VWA5B1: variants seen among roughly 807,000 people sequenced by gnomAD.
The protein encoded by VWA5B1 is von Willebrand factor A domain-containing protein 5B1.
Under a neutral mutation model 118.2 loss-of-function variants are expected in VWA5B1, and 115 were observed. The observed-to-expected ratio is 0.97, with a 90% confidence interval of 0.84 to 1.14. VWA5B1 has a LOEUF of 1.14. Ranked by LOEUF, VWA5B1 falls within the 50% of genes most tolerant of loss-of-function variation. The pLI, the probability that VWA5B1 is intolerant of heterozygous loss-of-function variation, is 0.00. For synonymous variants in VWA5B1, 682 were observed against 658.4 expected (o/e 1.04, Z -0.55); for missense variants, 1,596 against 1,603.8 (o/e 1.00, Z 0.08).
chr1:20,310,881 T>C (rs10916761), intron 2 of VWA5B1, 141 bp downstream of exon 2: 843,505 of 1,232,582 alleles, frequency 0.68, 293,104 homozygotes, highest in East Asian at 0.95. Context: ...AATGGTGAGA[T>C]TCTTTCTGCT....
At chr1:20,297,500 G>A (rs184808557) in intron 1 of VWA5B1, among the ~76,000 whole-genome samples, 5 of 152,344 alleles carry the variant, frequency 3.3e-5, no homozygotes, top group African/African-American at 7.2e-5. Context: ...AGCTTACCAC[G>A]CACCCAGAGG....
At chr1:20,344,299 G>A (rs731047) in intron 16 of VWA5B1, among the ~76,000 whole-genome samples, 21,282 of 151,900 alleles carry the variant, frequency 0.14, 1,944 homozygotes, top group East Asian at 0.52. Flanking sequence ...CAGAACAATG[G>A]TGACAGCCCA....
Position 20,308,053 on chromosome 1 carries a change from G to A in VWA5B1, c.-26-2523G>A, listed in dbSNP as rs995907169. On this transcript the variant is annotated intron_variant, in intron 1 of 21. Coordinates refer to ENST00000289815, the MANE Select transcript of VWA5B1 (RefSeq NM_001039500.3). Reference sequence around the variant, plus strand: ...CCTTCCCTCCCCGACCAGTAGTCCCGAGTGTCTATTATTGCCATCTTTATG... The same window carrying A: ...CCTTCCCTCCCCGACCAGTAGTCCCAAGTGTCTATTATTGCCATCTTTATG... Among the ~76,000 whole-genome samples, 60 of 152,102 alleles carry A rather than the reference G, an allele frequency of 3.9e-4. 1 individual carries two copies. The highest frequency in any genetic ancestry group is 1.4e-3 in the African/African-American group (57 of 41,466).
Position 20,354,344 on chromosome 1 carries a change from G to A in VWA5B1, c.*81G>A. The A allele has an allele frequency of 6.9e-7, 1 of 1,441,238 alleles. No individual in the cohort carries two copies. Among genetic ancestry groups the A allele is most frequent in the Admixed American group, 2.4e-5 (1 of 40,916 alleles). 89.3% of individuals were successfully genotyped at this position (1,441,238 alleles called of 1,614,324 possible). The stretch of plus-strand genomic sequence containing the variant: ...GGCCATGTCGGCCTGGTTTCGGGGA[G>A]CTTTTGGAGCTGTAACTAATATTTC... On this transcript the variant is annotated 3_prime_UTR_variant, in exon 22 of 22. Transcript: ENST00000289815.
intron 14 of VWA5B1, 99 bp from the exon 15 acceptor site, chr1:20,342,333 G>T: frequency 7.6e-7 from 1 of 1,322,260 alleles, no homozygotes; most frequent in Non-Finnish European, 1.0e-6. Flanking sequence ...GGAGCAGAAG[G>T]AAGGAGGGTC....
At chr1:20,352,278 C>T in intron 21 of VWA5B1, 106 bp downstream of exon 21, 1 of 893,910 alleles carries the variant, frequency 1.1e-6, no homozygotes. Context: ...GAGAAGAAGG[C>T]TTTGGTCTTA....
At chr1:20,353,734 T>G (rs948213584) in intron 21 of VWA5B1, 23 bp from the exon 22 acceptor site, 35 of 1,449,394 alleles carry the variant, frequency 2.4e-5, no homozygotes, top group Non-Finnish European at 3.2e-5. Context: ...TGAGGCCCAC[T>G]GAAGGGCTTC....
intron 8 of VWA5B1, among the ~76,000 whole-genome samples, chr1:20,326,361 A>T (rs1187032532): frequency 6.6e-6 from 1 of 152,054 alleles, no homozygotes; most frequent in Non-Finnish European, 1.5e-5. Flanking sequence ...GGGTACTATC[A>T]ATAAACAAGA....
At chr1:20,332,672 T>C in intron 11 of VWA5B1, 94 bp from the exon 12 acceptor site, 1 of 1,384,616 alleles carries the variant, frequency 7.2e-7, no homozygotes, top group South Asian at 1.4e-5. Context: ...CCCTCTTCCC[T>C]GCTCCCACTC....
At chr1:20,316,786 T>C (rs944717773) in intron 4 of VWA5B1, among the ~76,000 whole-genome samples, 1 of 152,174 alleles carries the variant, frequency 6.6e-6, no homozygotes, top group Admixed American at 6.5e-5. Context: ...TCGCAGGGCT[T>C]GCAGCTTACA....
intron 9 of VWA5B1, among the ~76,000 whole-genome samples, chr1:20,329,574 T>A (rs2089486852): frequency 6.6e-6 from 1 of 152,088 alleles, no homozygotes; most frequent in African/African-American, 2.4e-5. Context: ...TTCCCAAACA[T>A]GCTGTTACTT....
intron 1 of VWA5B1, among the ~76,000 whole-genome samples, chr1:20,298,153 G>A (rs1221943563): frequency 6.6e-6 from 1 of 151,820 alleles, no homozygotes; most frequent in Non-Finnish European, 1.5e-5. Context: ...TGGGATTACA[G>A]GTGTGCCACC....
Position 20,348,350 on chromosome 1 carries a change from C to G in VWA5B1, c.2870C>G (p.Pro957Arg). ...ACGATGCTTGGAGAAGATTCGGCACCAGGAAATGGTAAATTTCAGGCCCTA... is the reference window on the plus strand; with the variant it reads ...ACGATGCTTGGAGAAGATTCGGCACGAGGAAATGGTAAATTTCAGGCCCTA... ...PQTMLGEDSA[P>R]GNDMEASPTA... The change falls in exon 18 of 22, where the codon CCA becomes CGA. Residue 957 changes from proline to arginine, a missense_variant. Coordinates refer to ENST00000289815, the MANE Select transcript of VWA5B1 (RefSeq NM_001039500.3). 1 of 1,551,666 alleles carries G rather than the reference C, an allele frequency of 6.4e-7. No homozygotes were observed. Among genetic ancestry groups the G allele is most frequent in the Non-Finnish European group, 8.7e-7 (1 of 1,147,026 alleles).
chr1:20,299,393 T>TTTTTG (rs1011303507), intron 1 of VWA5B1, among the ~76,000 whole-genome samples: 9 of 152,126 alleles, frequency 5.9e-5, no homozygotes, highest in African/African-American at 1.9e-4. Flanking sequence ...CAGTTTTGGT[T>TTTTTG]TTTTGTTTTG....
rs771197439 is a variant in VWA5B1, at chr1:20,350,139, T to C, written c.2879-17T>C. Reference sequence around the variant, plus strand: ...AGGGAGGGGAGAGGTCCAGCCTCACTGGCTCCTCTGTCCTAGACATGGAGG... The same window carrying C: ...AGGGAGGGGAGAGGTCCAGCCTCACCGGCTCCTCTGTCCTAGACATGGAGG... On this transcript the variant is annotated splice_polypyrimidine_tract_variant and intron_variant, in intron 18 of 21. Coordinates refer to ENST00000289815, the MANE Select transcript of VWA5B1 (RefSeq NM_001039500.3). The C allele has an allele frequency of 1.1e-5, 17 of 1,550,574 alleles. No individual in the cohort carries two copies. The highest frequency in any genetic ancestry group is 1.5e-5 in the Non-Finnish European group (17 of 1,146,466).
At position 20,323,388 on chromosome 1, in the gene VWA5B1, CA is replaced by C. The variant is rs1389034127; in HGVS notation, c.1000del (p.Ile334PhefsTer22). ...TCATTCGAAAACGCCTCCACAAAGACATTCCCCACCACTCCGTCATCATGCT... is the reference window on the plus strand; with the variant it reads ...TCATTCGAAAACGCCTCCACAAAGACTTCCCCACCACTCCGTCATCATGCT... Reference protein sequence around the residue: ...EIIRKRLHKDIPHHSVIMLNF... With the variant: ...EIIRKRLHKDXPHHSVIMLNF... On this transcript the variant is annotated frameshift_variant, in exon 8 of 22. Transcript: ENST00000289815. LOFTEE classifies it high-confidence loss of function. 1 of 1,514,426 alleles carries C rather than the reference CA, an allele frequency of 6.6e-7. No homozygotes were observed. The highest frequency in any genetic ancestry group is 1.4e-5 in the African/African-American group (1 of 71,344). The allele number at this position is 1,514,426 out of a possible 1,614,324, so 93.8% of individuals were successfully genotyped here. A position where few individuals can be genotyped will look rare whatever the true frequency, so the allele number is the denominator to read the frequency against.
intron 1 of VWA5B1, among the ~76,000 whole-genome samples, chr1:20,306,361 C>T (rs1240696774): frequency 1.3e-5 from 2 of 152,004 alleles, no homozygotes; most frequent in South Asian, 4.2e-4. Context: ...ACGTGGGGGC[C>T]ATCAGGGAGT....
At chr1:20,325,990 A>G (rs1193602745) in intron 8 of VWA5B1, among the ~76,000 whole-genome samples, 1 of 152,210 alleles carries the variant, frequency 6.6e-6, no homozygotes, top group Non-Finnish European at 1.5e-5. Flanking sequence ...AGCTGGTCTC[A>G]TTCTTCAGCT....
intron 8 of VWA5B1, among the ~76,000 whole-genome samples, chr1:20,326,533 T>C (rs2089388125): frequency 6.6e-6 from 1 of 152,142 alleles, no homozygotes; most frequent in South Asian, 2.1e-4. Flanking sequence ...TGGCGTGATC[T>C]CGGCTCACTG....
Sources: allele counts gnomAD v4.1 joint callset (sites outside exome capture counted in the v4.1 genomes callset), GRCh38; gene constraint gnomAD v4.1.1; transcripts MANE v1.5; gene names NCBI Gene and HGNC (gene_info 2026-07-23, HGNC 2026-07-21).